LTA4H: variants seen among roughly 807,000 people sequenced by gnomAD.
LTA4H encodes leukotriene A4 hydrolase.
Under a neutral mutation model 89.8 loss-of-function variants are expected in LTA4H, and 59 were observed. That is an observed-to-expected ratio of 0.66 (90% confidence interval 0.53 to 0.82). The LOEUF is 0.82. Among genes scored for constraint, LTA4H ranks in the 40% least tolerant of loss-of-function variants. The pLI is 0.00. For missense variants in LTA4H, 617 were observed against 727.0 expected (o/e 0.85, Z 1.74); for synonymous variants, 227 against 253.1 (o/e 0.90, Z 0.98).
intron 12 of LTA4H, among the ~76,000 whole-genome samples, chr12:96,014,514 A>T (rs540037985): frequency 6.6e-6 from 1 of 152,310 alleles, no homozygotes; most frequent in South Asian, 2.1e-4. Context: ...AACTGCTAAC[A>T]GTGGTTACCC....
intron 3 of LTA4H, among the ~76,000 whole-genome samples, chr12:96,027,145 A>T (rs1950521273): frequency 6.6e-6 from 1 of 152,112 alleles, no homozygotes; most frequent in Admixed American, 6.5e-5. Flanking sequence ...CTTTCATTTT[A>T]TGACTATTTA....
In LTA4H at chr12:96,022,171, C is replaced by A; in HGVS notation, c.561G>T (p.Arg187Ser). 1 of 1,613,728 alleles carries A rather than the reference C, an allele frequency of 6.2e-7. No individual in the cohort carries two copies. The highest frequency in any genetic ancestry group is 8.5e-7 in the Non-Finnish European group (1 of 1,179,768). ...GETPDPEDPS[R>S]KIYKFIQKVP... ...CTTTTTGGATGAATTTGTATATTTT[C>A]CTGCTTGGGTCTTCTGGGTCAGGTG... The change falls in exon 5 of 19, where the codon AGG (arginine) becomes AGT (serine). Residue 187 changes from arginine to serine, a missense_variant. Arg to Ser is a moderately radical substitution (Grantham distance 110). Coordinates refer to ENST00000228740, the MANE Select transcript of LTA4H (RefSeq NM_000895.3). The surrounding 1 kb of genome is among the most constrained non-coding windows in gnomAD (Gnocchi z 4.0).
upstream of LTA4H, among the ~76,000 whole-genome samples, chr12:96,036,085 A>C (rs1950642783): frequency 6.6e-6 from 1 of 151,760 alleles, no homozygotes; most frequent in African/African-American, 2.4e-5. Flanking sequence ...CGATTCCCCG[A>C]CGGGGAGGCA....
Position 96,029,186 on chromosome 12 carries a change from C to A in LTA4H, c.160-1G>T. On this transcript the variant is annotated splice_acceptor_variant, in intron 1 of 18. Coordinates refer to ENST00000228740, the MANE Select transcript of LTA4H (RefSeq NM_000895.3). LOFTEE classifies it high-confidence loss of function. ...TTGTAAGGTCCTTTGTATCCAAAAC[C>A]TAAAATTAATATTTTTAAATAGTAA... The A allele has an allele frequency of 6.7e-7, 1 of 1,486,744 alleles. No individual in the cohort carries two copies. The highest frequency in any genetic ancestry group is 9.1e-7 in the Non-Finnish European group (1 of 1,093,774). The allele number at this position is 1,486,744 out of a possible 1,614,324, so 92.1% of individuals were successfully genotyped here.
rs764772242 is a variant in LTA4H, at chr12:96,017,079, C to A, written c.912G>T (p.Gly304=). The A allele has an allele frequency of 8.1e-6, 13 of 1,612,270 alleles. No homozygotes were observed. In the East Asian group the frequency reaches 2.7e-4, roughly 33 times the overall value. Residue 304 remains glycine (G), a synonymous_variant, in exon 10 of 19, where the codon GGG becomes GGT. Coordinates refer to ENST00000228740, the MANE Select transcript of LTA4H (RefSeq NM_000895.3). ...CCCAAGTTTTGTTGGTCACTAGATT[C>A]CCTGTCCAGCTATGAGATATTTCAT... ...IAHEISHSWT[G]NLVTNKTWDH...
rs373918313 is a variant in LTA4H at position 96,015,088 on chromosome 12, G to A, written c.1060-89C>T. The A allele has an allele frequency of 9.8e-6, 12 of 1,228,750 alleles. No individual in the cohort carries two copies. The East Asian group carries it at 1.7e-4, about 17-fold the overall frequency. 76.1% of individuals were successfully genotyped at this position (1,228,750 alleles called of 1,614,324 possible). On this transcript the variant is annotated intron_variant, in intron 11 of 18. Transcript: ENST00000228740. ...TAATAAGGAGGTATTACTTCACTCA[G>A]TGGTGTAACTTTAGGGGAATCTAAA...
intron 1 of LTA4H, among the ~76,000 whole-genome samples, chr12:96,042,653 T>C (rs953358439): frequency 1.2e-4 from 19 of 152,192 alleles, no homozygotes; most frequent in African/African-American, 4.6e-4. Flanking sequence ...TATAGACATA[T>C]AGCTTAGAAG....
chr12:96,035,605 G>A, upstream of LTA4H: 10 of 1,473,606 alleles, frequency 6.8e-6, no homozygotes, highest in Non-Finnish European at 9.1e-6. Flanking sequence ...GGAGGAGGGA[G>A]AGAGGTAAAG....
upstream of LTA4H, among the ~76,000 whole-genome samples, chr12:96,037,144 G>A (rs1305650191): frequency 6.6e-6 from 1 of 152,226 alleles, no homozygotes; most frequent in Non-Finnish European, 1.5e-5. Flanking sequence ...AGGGGAAGAT[G>A]CTAAATTCAA....
intron 15 of LTA4H, 29 bp downstream of exon 15, chr12:96,009,064 AG>A: frequency 1.3e-6 from 2 of 1,519,704 alleles, no homozygotes; most frequent in Non-Finnish European, 1.8e-6. Context: ...CAATTCAAAA[AG>A]GAATCAAAAA....
chr12:96,008,543 C>A (rs906653015), intron 15 of LTA4H, among the ~76,000 whole-genome samples: 4 of 150,136 alleles, frequency 2.7e-5, no homozygotes, highest in Non-Finnish European at 5.9e-5. Flanking sequence ...AATATTTTTG[C>A]ATACTTTTTT....
intron 8 of LTA4H, 95 bp downstream of exon 8, chr12:96,018,668 G>T: frequency 1.2e-6 from 1 of 806,442 alleles, no homozygotes; most frequent in Non-Finnish European, 1.8e-6. Flanking sequence ...GGACTCTAAG[G>T]TTCTTTACAT....
At chr12:96,021,385 C>T (rs1033469894) in intron 5 of LTA4H, among the ~76,000 whole-genome samples, 1 of 152,166 alleles carries the variant, frequency 6.6e-6, no homozygotes, top group Non-Finnish European at 1.5e-5. Flanking sequence ...GCTTCTCACA[C>T]ATGAAAAACA....
At position 96,024,478 on chromosome 12, in the gene LTA4H, C is replaced by T; in HGVS notation, c.480+1G>A. 6.3e-7 allele frequency: 1 copy of T among 1,577,658 alleles called. No homozygotes were observed. The highest frequency in any genetic ancestry group is 8.7e-7 in the Non-Finnish European group (1 of 1,147,872). The stretch of plus-strand genomic sequence containing the variant: ...TTGAGTTAATAATTCGTAATATTTA[C>T]CTCTGCAGTATAGGTTAATTTCACA... On this transcript the variant is annotated splice_donor_variant, in intron 4 of 18. Coordinates refer to ENST00000228740, the MANE Select transcript of LTA4H (RefSeq NM_000895.3). LOFTEE classifies it high-confidence loss of function.
chr12:96,000,955 A>G lies in LTA4H; in HGVS notation c.*34T>C, dbSNP rs1400247650. ...TTTCTTTACGAATTCCATTTAAAAA[A>G]GAGAAATCTCTAAAATCATCAATAC... On this transcript the variant is annotated 3_prime_UTR_variant, in exon 19 of 19. Coordinates refer to ENST00000228740, the MANE Select transcript of LTA4H (RefSeq NM_000895.3). The G allele has an allele frequency of 7.3e-7, 1 of 1,361,232 alleles. No homozygotes were observed. Among genetic ancestry groups the G allele is most frequent in the Non-Finnish European group, 1.0e-6 (1 of 953,606 alleles). 84.3% of individuals were successfully genotyped at this position (1,361,232 alleles called of 1,614,324 possible). A position where few individuals can be genotyped will look rare whatever the true frequency, so the allele number is the denominator to read the frequency against.
upstream of LTA4H, among the ~76,000 whole-genome samples, chr12:96,039,753 A>G (rs1950674502): frequency 6.6e-6 from 1 of 152,256 alleles, no homozygotes; most frequent in Non-Finnish European, 1.5e-5. Flanking sequence ...TTGTTGCACA[A>G]ATGCTTCCCT....
chr12:96,001,205 A>T, intron 18 of LTA4H, 99 bp from the exon 19 acceptor site: 1 of 741,458 alleles, frequency 1.3e-6, no homozygotes, highest in Non-Finnish European at 2.4e-6. Context: ...AGGGGTTCAG[A>T]GGAAAGGAAA....
In LTA4H at chr12:96,022,209, G is replaced by A; in HGVS notation, c.523C>T (p.Arg175Cys). ...TCTGGGTCAGGTGTTTCTCCATCAC[G>A]AATAGCACTCATAAGTGCCACCAGT... ...KELVALMSAI[R>C]DGETPDPEDP... Residue 175 changes from arginine to cysteine, a missense_variant, in exon 5 of 19, where the codon CGT becomes TGT. Physicochemically the swap from Arg to Cys is radical, Grantham distance 180. Coordinates refer to ENST00000228740, the MANE Select transcript of LTA4H (RefSeq NM_000895.3). The surrounding 1 kb of genome is among the most constrained non-coding windows in gnomAD (Gnocchi z 4.0). 2 of 1,613,692 alleles carry A rather than the reference G, an allele frequency of 1.2e-6. No individual in the cohort carries two copies. The highest frequency in any genetic ancestry group is 1.7e-6 in the Non-Finnish European group (2 of 1,179,778).
In LTA4H at chr12:96,029,201, T is replaced by C; in HGVS notation, c.160-16A>G. ...TATCCAAAACCTAAAATTAATATTT[T>C]TAAATAGTAAGAAAATAGTTTCATT... is the stretch of plus-strand genomic sequence containing the variant. On this transcript the variant is annotated splice_polypyrimidine_tract_variant and intron_variant, in intron 1 of 18. Transcript: ENST00000228740. 7.1e-7 allele frequency: 1 copy of C among 1,399,138 alleles called. No individual in the cohort carries two copies. Among genetic ancestry groups the C allele is most frequent in the South Asian group, 1.3e-5 (1 of 74,390 alleles). 86.7% of individuals were successfully genotyped at this position (1,399,138 alleles called of 1,614,324 possible).
Sources: gnomAD v4.1 joint callset for allele counts (sites outside exome capture counted in the v4.1 genomes callset) on GRCh38, gnomAD v4.1.1 for gene constraint, Gnocchi (gnomAD v3.1) non-coding constraint, MANE v1.5 for transcripts, NCBI Gene and HGNC (gene_info 2026-07-23, HGNC 2026-07-21) for gene names.